MBP: variants seen among roughly 807,000 people sequenced by gnomAD.
MBP encodes myelin basic protein.
In MBP, 16 loss-of-function variants were observed where a neutral mutation model predicts 35.8. The ratio of observed to expected loss-of-function variants is 0.45; its 90% CI spans 0.30 to 0.68. The LOEUF is 0.68. MBP is among the 30% of genes least tolerant of loss of function. MBP has a pLI of 0.08. For missense variants in MBP, 380 were observed against 404.7 expected, an observed-to-expected ratio of 0.94 and a Z score of 0.52; for synonymous variants, 143 against 159.6, an observed-to-expected ratio of 0.90 and a Z score of 0.78.
intron 3 of MBP, among the ~76,000 whole-genome samples, chr18:77,018,037 A>G (rs555794353): frequency 2.6e-5 from 4 of 152,092 alleles, no homozygotes; most frequent in Non-Finnish European, 4.4e-5. Flanking sequence ...TCCTCTCCAA[A>G]CTCTATTACT....
chr18:76,981,049 CATTTACACGTTTGGGGGACAAATA>C (rs1247134310), intron 8 of MBP: 1 of 154,248 alleles, frequency 6.5e-6, no homozygotes, highest in African/African-American at 2.4e-5. Context: ...TAAAACCATG[CATTTACACGTTTGGGGGACAAATA>C]ATTTCGATGT....
At chr18:77,062,327 G>A (rs1386149165) in intron 3 of MBP, among the ~76,000 whole-genome samples, 11 of 152,220 alleles carry the variant, frequency 7.2e-5, no homozygotes, top group Non-Finnish European at 1.5e-5. Context: ...GAGGAGGACA[G>A]TGTGTGCACT....
At chr18:76,991,126 A>T (rs1969886053) in intron 4 of MBP, among the ~76,000 whole-genome samples, 1 of 152,196 alleles carries the variant, frequency 6.6e-6, no homozygotes, top group African/African-American at 2.4e-5. Context: ...CGGCTGCATA[A>T]CATGAGCTGG....
In MBP at chr18:76,988,815, T is replaced by C; in HGVS notation, c.717+62A>G. The C allele has an allele frequency of 1.3e-6, 2 of 1,542,436 alleles. No homozygotes were observed. The highest frequency in any genetic ancestry group is 1.8e-6 in the Non-Finnish European group (2 of 1,127,974). The stretch of plus-strand genomic sequence containing the variant: ...GCCTAACTCTCTCTTTGGTACATTA[T>C]GGGATTTTAGAGAAGGTCTATCAGA... On this transcript the variant is annotated intron_variant, in intron 6 of 8. Transcript: ENST00000355994. The surrounding 1 kb of genome is among the most constrained non-coding windows in gnomAD (Gnocchi z 5.2).
chr18:77,127,927 A>G (rs1369202629), intron 1 of MBP: 1 of 152,152 alleles, frequency 6.6e-6, no homozygotes, highest in African/African-American at 2.4e-5. Context: ...TCACTCACAC[A>G]CCGCCGGTGG....
intron 3 of MBP, among the ~76,000 whole-genome samples, chr18:77,022,323 G>C (rs1167139185): frequency 2.0e-5 from 3 of 152,214 alleles, no homozygotes; most frequent in Non-Finnish European, 2.9e-5. Context: ...GCTGAGCCCT[G>C]TGCCTGAAAA....
intron 2 of MBP, among the ~76,000 whole-genome samples, chr18:77,083,355 C>T (rs1399591470): frequency 5.3e-5 from 8 of 152,188 alleles, no homozygotes; most frequent in Non-Finnish European, 7.3e-5. Context: ...ATTACAACGA[C>T]GTCCAGGACC....
At chr18:77,086,866 G>A (rs1975255880) in intron 2 of MBP, among the ~76,000 whole-genome samples, 1 of 152,110 alleles carries the variant, frequency 6.6e-6, no homozygotes, top group Non-Finnish European at 1.5e-5. Context: ...AGAACAGCTC[G>A]TCAAAAGGAA....
chr18:77,039,491 G>A lies in MBP; in HGVS notation c.140-22223C>T, dbSNP rs79659801. 5.9e-5 allele frequency among the ~76,000 whole-genome samples: 9 copies of A among 152,292 alleles called. 1 individual carries two copies. Among genetic ancestry groups the A allele is most frequent in the African/African-American group, 2.2e-4 (9 of 41,560 alleles). ...TTTTAATTTCATAAATGAAATGGAT[G>A]AGAATTATTTTAAAACCAGAAGATG... On this transcript the variant is annotated intron_variant, in intron 3 of 8. Coordinates refer to ENST00000355994, the MANE Select transcript of MBP (RefSeq NM_001025101.2).
chr18:76,985,882 C>A (rs1568264513), intron 7 of MBP: 1 of 987,844 alleles, frequency 1.0e-6, no homozygotes. Flanking sequence ...GGCCGCCCTG[C>A]CCTGGCCTCA....
At chr18:77,008,730 C>A (rs114948593) in intron 4 of MBP, among the ~76,000 whole-genome samples, 1,532 of 152,342 alleles carry the variant, frequency 0.01, 21 homozygotes, top group African/African-American at 0.035. Flanking sequence ...GGCCAGCAGG[C>A]ACATCCTCAT....
intron 1 of MBP, among the ~76,000 whole-genome samples, chr18:77,120,325 C>T (rs897050073): frequency 2.6e-5 from 4 of 152,204 alleles, no homozygotes; most frequent in African/African-American, 9.7e-5. Context: ...ACCTCAGACG[C>T]GCTGCACACA....
At chr18:77,060,061 C>T (rs990677853) in intron 3 of MBP, among the ~76,000 whole-genome samples, 1 of 152,178 alleles carries the variant, frequency 6.6e-6, no homozygotes, top group Non-Finnish European at 1.5e-5. Flanking sequence ...TAATCCAGCA[C>T]TTTGGGAGGC....
intron 3 of MBP, among the ~76,000 whole-genome samples, chr18:77,043,342 A>G (rs977259535): frequency 9.8e-5 from 15 of 152,352 alleles, no homozygotes; most frequent in African/African-American, 3.4e-4. Context: ...ATAAATTAAT[A>G]AACAGTTCTT....
At chr18:77,005,907 C>T (rs1161888857) in intron 4 of MBP, 1 of 152,262 alleles carries the variant, frequency 6.6e-6, no homozygotes, top group African/African-American at 2.4e-5. Context: ...CTTTGCATTG[C>T]TTTTCTTGCT....
At chr18:77,121,507 G>T (rs1298045225) in intron 1 of MBP, among the ~76,000 whole-genome samples, 1 of 152,020 alleles carries the variant, frequency 6.6e-6, no homozygotes, top group Non-Finnish European at 1.5e-5. Context: ...GAGTTCTCCC[G>T]CCCTGCATAC....
chr18:76,991,644 G>A (rs933699164), intron 4 of MBP, among the ~76,000 whole-genome samples: 1 of 152,174 alleles, frequency 6.6e-6, no homozygotes, highest in African/African-American at 2.4e-5. Flanking sequence ...GCTCCCAGAT[G>A]CTACTTGTTC....
At chr18:77,098,787 C>G (rs1248881999) in intron 2 of MBP, among the ~76,000 whole-genome samples, 4 of 152,238 alleles carry the variant, frequency 2.6e-5, no homozygotes, top group African/African-American at 9.6e-5. Flanking sequence ...AAACATCACT[C>G]TCACCGGCCC....
intron 1 of MBP, among the ~76,000 whole-genome samples, chr18:77,120,771 A>G (rs1298281712): frequency 2.6e-5 from 4 of 152,082 alleles, no homozygotes; most frequent in Admixed American, 6.6e-5. Context: ...ATTAAGTGTC[A>G]CTCCATGGAA....
Sources: allele counts gnomAD v4.1 joint callset (sites outside exome capture counted in the v4.1 genomes callset), GRCh38; gene constraint gnomAD v4.1.1; non-coding constraint Gnocchi (gnomAD v3.1); transcripts MANE v1.5; gene names NCBI Gene and HGNC (gene_info 2026-07-23, HGNC 2026-07-21).